Variants in ARHGEF11 observed in about 807,000 individuals in gnomAD.
ARHGEF11 encodes Rho guanine exchange factor (GEF) 11.
In ARHGEF11, 55 loss-of-function variants were observed where a neutral mutation model predicts 193.7. The ratio of observed to expected loss-of-function variants is 0.28; its 90% CI spans 0.23 to 0.36. The LOEUF (loss-of-function observed/expected upper bound fraction) is 0.36. Ranked by LOEUF, ARHGEF11 falls within the 10% of genes least tolerant of loss-of-function variation. The pLI is 1.00. For missense variants in ARHGEF11, 1,723 were observed against 2,005.6 expected (o/e 0.86, Z 2.69); for synonymous variants, 693 against 768.0 (o/e 0.90, Z 1.62).
In ARHGEF11 at chr1:156,948,097, A is replaced by G; in HGVS notation, c.2153+84T>C. The G allele has an allele frequency of 6.5e-7, 1 of 1,537,398 alleles. No homozygotes were observed. The highest frequency in any genetic ancestry group is 8.8e-7 in the Non-Finnish European group (1 of 1,137,056). On this transcript the variant is annotated intron_variant, in intron 24 of 40. Transcript: ENST00000368194. This position sits in a 1 kb window ranked among gnomAD's most constrained non-coding sequence, Gnocchi z 4.2. ...CAGAAGAGGAGACAGCCACCCAACC[A>G]GCCCCTTGCAGGTGAGAGGAGCAGC...
intron 1 of ARHGEF11, among the ~76,000 whole-genome samples, chr1:157,012,674 G>A (rs924587822): frequency 6.6e-6 from 1 of 152,162 alleles, no homozygotes; most frequent in Non-Finnish European, 1.5e-5. Context: ...AAAGTAAGTA[G>A]TTTCTCTGTC....
At chr1:156,963,470 C>T (rs1325275536) in intron 12 of ARHGEF11, 50 bp downstream of exon 12, 3 of 1,586,466 alleles carry the variant, frequency 1.9e-6, no homozygotes, top group Admixed American at 3.4e-5. Context: ...TCAAGAGCAG[C>T]TTGTATGACA....
intron 1 of ARHGEF11, among the ~76,000 whole-genome samples, chr1:157,022,018 A>G (rs2102913152): frequency 6.6e-6 from 1 of 152,352 alleles, no homozygotes; most frequent in East Asian, 1.9e-4. Context: ...AAAAAAATTC[A>G]GCAAACTAGA....
chr1:156,983,656 C>T (rs985927202), intron 3 of ARHGEF11, among the ~76,000 whole-genome samples: 3 of 152,178 alleles, frequency 2.0e-5, no homozygotes, highest in Admixed American at 2.0e-4. Context: ...GGCTATGATG[C>T]CCACCCACTC....
intron 7 of ARHGEF11, 30 bp from the exon 8 acceptor site, chr1:156,971,846 G>A (rs368067738): frequency 2.4e-5 from 39 of 1,601,222 alleles, no homozygotes; most frequent in Non-Finnish European, 3.2e-5. Context: ...AGAAGGGGGA[G>A]GGGAAAAGGC....
chr1:157,037,904 G>A (rs925034922), intron 1 of ARHGEF11, among the ~76,000 whole-genome samples: 2 of 151,566 alleles, frequency 1.3e-5, no homozygotes, highest in Non-Finnish European at 2.9e-5. Flanking sequence ...GTGGTGGCAG[G>A]TGTCTGTAAT....
intron 11 of ARHGEF11, among the ~76,000 whole-genome samples, chr1:156,967,546 CA>C (rs1184110130): frequency 2.0e-5 from 3 of 151,824 alleles, no homozygotes; most frequent in African/African-American, 7.3e-5. Flanking sequence ...GGAGGTTGAT[CA>C]GTAAAGGTCC....
rs1052112229 is a variant in ARHGEF11, at chr1:156,941,961, G to T, written c.3355C>A (p.Arg1119=). The T allele has an allele frequency of 1.2e-6, 2 of 1,613,980 alleles. No individual in the cohort carries two copies. Among genetic ancestry groups the T allele is most frequent in the Non-Finnish European group, 1.7e-6 (2 of 1,180,010 alleles). ...TWMELLEEAV[R]NATRHPGAAP... is the part of the protein sequence containing the mutation. ...GCTCCGGGGTGCCTGGTGGCATTCC[G>T]CACGGCCTCTTCTAAGAGCTCCATC... The change falls in exon 34 of 41, where the codon CGG becomes AGG. Residue 1119 remains arginine, a synonymous_variant. Transcript: ENST00000368194.
intron 3 of ARHGEF11, among the ~76,000 whole-genome samples, chr1:156,982,608 T>C (rs1235933336): frequency 6.6e-6 from 1 of 152,180 alleles, no homozygotes; most frequent in Admixed American, 6.5e-5. Context: ...ATTCTCCCTG[T>C]AAGCCATCTT....
At chr1:156,960,277 T>C (rs1660638170) in intron 15 of ARHGEF11, 141 bp downstream of exon 15, 4 of 757,760 alleles carry the variant, frequency 5.3e-6, no homozygotes, top group Non-Finnish European at 8.8e-6. Flanking sequence ...TCTGGAGCAA[T>C]CATCCCATGG....
chr1:156,945,457 T>G (rs60040216), intron 29 of ARHGEF11: 5,326 of 499,322 alleles, frequency 0.011, 123 homozygotes, highest in African/African-American at 0.068. Context: ...TACAACCAGC[T>G]CTACAGATGC....
chr1:156,942,430 G>C (rs1019635626), intron 33 of ARHGEF11, among the ~76,000 whole-genome samples: 10 of 152,178 alleles, frequency 6.6e-5, no homozygotes, highest in Admixed American at 6.5e-4. Flanking sequence ...AAGGGAGTAG[G>C]GCAGGAAGGA....
rs368959893 is a variant in ARHGEF11, at chr1:157,031,813, A to G, written c.32+12486T>C. 3.9e-4 allele frequency among the ~76,000 whole-genome samples: 60 copies of G among 152,314 alleles called. 1 individual carries two copies. The South Asian group carries it at 0.012, about 32-fold the overall frequency. On this transcript the variant is annotated intron_variant, in intron 1 of 40. Coordinates refer to ENST00000368194, the MANE Select transcript of ARHGEF11 (RefSeq NM_198236.3). ...GTGTGGACTCCTGCAAGGGTAGAAC[A>G]ACCGATCACTCTGTGGAAGCATGTT...
chr1:157,042,362 G>A (rs1332228418), intron 1 of ARHGEF11, among the ~76,000 whole-genome samples: 2 of 152,086 alleles, frequency 1.3e-5, no homozygotes, highest in East Asian at 1.9e-4. Context: ...AGGAGAAAAC[G>A]GTGCCCCACA....
Position 156,969,305 on chromosome 1 carries a change from C to T in ARHGEF11, c.802G>A (p.Glu268Lys), listed in dbSNP as rs1662191089. The T allele has an allele frequency of 6.2e-7, 1 of 1,606,328 alleles. No homozygotes were observed. The highest frequency in any genetic ancestry group is 1.1e-5 in the South Asian group (1 of 89,628). The change falls in exon 10 of 41, where the codon GAA becomes AAA. Residue 268 changes from glutamate to lysine, a missense_variant. By Grantham distance (56) the Glu-to-Lys change is moderately conservative. Around this residue, in one of 5 missense-constraint regions of ARHGEF11, gnomAD observed 646 missense variants for 710.7 expected, o/e 0.91. Coordinates refer to ENST00000368194, the MANE Select transcript of ARHGEF11 (RefSeq NM_198236.3). ...EGDSGLDSGT[E>K]RFPSLSESLM... ...ACCTCACTGAGGGAAGGAAAGCGTT[C>T]TGTCCCAGAGTCCAAGCCACTGTCC... is the stretch of plus-strand genomic sequence containing the variant.
intron 1 of ARHGEF11, among the ~76,000 whole-genome samples, chr1:157,014,183 A>C (rs1028972770): frequency 2.0e-5 from 3 of 152,044 alleles, no homozygotes; most frequent in Admixed American, 2.0e-4. Context: ...CCCTCTCCCT[A>C]TCATTAGATT....
At chr1:156,940,562 C>T (rs1241950580) in intron 35 of ARHGEF11, 137 bp from the exon 36 acceptor site, 3 of 700,216 alleles carry the variant, frequency 4.3e-6, no homozygotes, top group Non-Finnish European at 6.7e-6. Flanking sequence ...TTCCCATGGC[C>T]AGCACTGTCC....
intron 11 of ARHGEF11, among the ~76,000 whole-genome samples, chr1:156,966,127 A>C (rs181819042): frequency 3.7e-4 from 56 of 152,324 alleles, no homozygotes; most frequent in African/African-American, 8.4e-4. Context: ...TAAAATCACA[A>C]CACCACCAAA....
At chr1:156,984,760 C>T (rs1399403949) in intron 2 of ARHGEF11, among the ~76,000 whole-genome samples, 1 of 152,080 alleles carries the variant, frequency 6.6e-6, no homozygotes, top group Admixed American at 6.5e-5. Context: ...AGGACCAGGT[C>T]TAGCCATCCT....
Sources: allele counts gnomAD v4.1 joint callset (sites outside exome capture counted in the v4.1 genomes callset), GRCh38; gene constraint gnomAD v4.1.1; regional missense constraint gnomAD v4.1.1; non-coding constraint Gnocchi (gnomAD v3.1); transcripts MANE v1.5; gene names NCBI Gene and HGNC (gene_info 2026-07-23, HGNC 2026-07-21).